ITGAE: variants seen among roughly 807,000 people sequenced by gnomAD.
ITGAE encodes integrin alpha-E.
ITGAE carries 99 observed loss-of-function variants against 136.5 expected under a neutral mutation model. That is an observed-to-expected ratio of 0.73 (90% CI 0.62 to 0.86). The LOEUF (loss-of-function observed/expected upper bound fraction) is 0.86, where lower values mean the gene tolerates loss of function less well. Ranked by LOEUF, ITGAE falls within the 40% of genes least tolerant of loss-of-function variation. ITGAE has a pLI of 0.00. For missense variants in ITGAE, 1,447 were observed against 1,515.3 expected (o/e 0.95, Z 0.75); for synonymous variants, 613 against 591.8 (o/e 1.04, Z -0.52).
At chr17:3,789,665 T>C (rs538765154) in intron 1 of ITGAE, among the ~76,000 whole-genome samples, 1 of 152,052 alleles carries the variant, frequency 6.6e-6, no homozygotes, top group Non-Finnish European at 1.5e-5. Flanking sequence ...CACACCCAGA[T>C]CAATTTTGTA....
At position 3,798,686 on chromosome 17, in the gene ITGAE, T is replaced by C. The variant is rs1405460681; in HGVS notation, c.34+2425A>G. Among the ~76,000 whole-genome samples, 1 of 152,038 alleles carries C rather than the reference T, an allele frequency of 6.6e-6. No individual in the cohort carries two copies. The highest frequency in any genetic ancestry group is 1.5e-5 in the Non-Finnish European group (1 of 68,024). Reference sequence around the variant, plus strand: ...AGCGGGCCCTGGACTTCTGGTTCCTTCTTCTTCACCCCTGTAAGGTGTTGT... The same window carrying C: ...AGCGGGCCCTGGACTTCTGGTTCCTCCTTCTTCACCCCTGTAAGGTGTTGT... On this transcript the variant is annotated intron_variant, in intron 1 of 30. Coordinates refer to ENST00000263087, the MANE Select transcript of ITGAE (RefSeq NM_002208.5). The surrounding 1 kb of genome is among the most constrained non-coding windows in gnomAD (Gnocchi z 4.3).
intron 14 of ITGAE, among the ~76,000 whole-genome samples, chr17:3,753,022 T>C (rs2051908660): frequency 6.6e-6 from 1 of 152,248 alleles, no homozygotes; most frequent in South Asian, 2.1e-4. Context: ...CATTGCAGCC[T>C]GGGCAACGAG....
At chr17:3,748,886 G>A (rs912451736) in intron 16 of ITGAE, among the ~76,000 whole-genome samples, 3 of 152,176 alleles carry the variant, frequency 2.0e-5, no homozygotes, top group Admixed American at 6.5e-5. Context: ...GCCAGGCCAC[G>A]AAGAGCCCTG....
chr17:3,724,248 G>T, intron 26 of ITGAE: 1 of 1,592,714 alleles, frequency 6.3e-7, no homozygotes, highest in Non-Finnish European at 8.5e-7. Flanking sequence ...GAAGCTGCGA[G>T]CTCGCCCAAG....
At chr17:3,741,239 A>G (rs1321202158) in intron 19 of ITGAE, among the ~76,000 whole-genome samples, 10 of 113,374 alleles carry the variant, frequency 8.8e-5, no homozygotes, top group East Asian at 2.3e-4. Context: ...CACCACGCCC[A>G]GCTAATTTTT....
At position 3,756,894 on chromosome 17, in the gene ITGAE, G is replaced by T. The variant is rs892708393; in HGVS notation, c.1171+90C>A. On this transcript the variant is annotated intron_variant, in intron 10 of 30. Coordinates refer to ENST00000263087, the MANE Select transcript of ITGAE (RefSeq NM_002208.5). ...GAGGTTCAGGGAGATGATGGGAGTT[G>T]CTCAGAGAAACCACATGAAGATGGG... The T allele has an allele frequency of 7.2e-6, 10 of 1,388,796 alleles. No homozygotes were observed. The African/African-American group carries it at 8.7e-5, about 12-fold the overall frequency. 86.0% of individuals were successfully genotyped at this position (1,388,796 alleles called of 1,614,324 possible).
chr17:3,753,790 C>G lies in ITGAE; in HGVS notation c.1520G>C (p.Gly507Ala). 1 of 1,614,182 alleles carries G rather than the reference C, an allele frequency of 6.2e-7. No individual in the cohort carries two copies. Among genetic ancestry groups the G allele is most frequent in the South Asian group, 1.1e-5 (1 of 91,090 alleles). ...REASFLPVLE[G>A]EQMGSYFGSE... ...GCTTTCCCCAGCAGGTACCTGCTCT[C>G]CCTCCAGCACTGGCAGGAAGCTGGC... is the stretch of plus-strand genomic sequence containing the variant. The change falls in exon 13 of 31, where the codon GGA becomes GCA. Residue 507 changes from glycine to alanine, a missense_variant. Physicochemically the swap from Gly to Ala is moderately conservative, Grantham distance 60. Around this residue, in one of 3 missense-constraint regions of ITGAE, gnomAD observed 1,031 missense variants for 1,011.4 expected, o/e 1.02. Transcript: ENST00000263087.
chr17:3,798,224 G>A lies in ITGAE; in HGVS notation c.34+2887C>T, dbSNP rs890532573. 3.3e-5 allele frequency among the ~76,000 whole-genome samples: 5 copies of A among 152,096 alleles called. No individual in the cohort carries two copies. The highest frequency in any genetic ancestry group is 1.9e-4 in the East Asian group (1 of 5,196). ...CCTGGAGTGCCCCTTCCCTACCCCC[G>A]TGCTGTGACACCCTGCCGGGGCCGG... On this transcript the variant is annotated intron_variant, in intron 1 of 30. Coordinates refer to ENST00000263087, the MANE Select transcript of ITGAE (RefSeq NM_002208.5). This position sits in a 1 kb window ranked among gnomAD's most constrained non-coding sequence, Gnocchi z 4.3.
chr17:3,756,038 A>T (rs2052014241), intron 10 of ITGAE, 141 bp from the exon 11 acceptor site: 1 of 728,404 alleles, frequency 1.4e-6, no homozygotes, highest in African/African-American at 1.8e-5. Flanking sequence ...GAGGGTAGAG[A>T]CCCAGGTTCT....
chr17:3,726,463 G>T, intron 26 of ITGAE: 2 of 648,988 alleles, frequency 3.1e-6, no homozygotes, highest in South Asian at 2.3e-5. Flanking sequence ...TTTCAAACAA[G>T]AATTTTGTTT....
chr17:3,729,720 G>A (rs1337312914), intron 23 of ITGAE, 165 bp from the exon 24 acceptor site: 7 of 585,714 alleles, frequency 1.2e-5, no homozygotes, highest in Admixed American at 2.4e-5. Flanking sequence ...TCAGCCTCCT[G>A]AGTAGCTGGA....
intron 1 of ITGAE, among the ~76,000 whole-genome samples, chr17:3,788,867 T>G (rs987776804): frequency 1.4e-5 from 2 of 148,026 alleles, no homozygotes; most frequent in African/African-American, 4.9e-5. Flanking sequence ...AATTAAAATA[T>G]TTTTTAGAAT....
intron 1 of ITGAE, chr17:3,784,252 T>A (rs1425725585): frequency 9.2e-6 from 3 of 325,784 alleles, no homozygotes; most frequent in Non-Finnish European, 1.7e-5. Flanking sequence ...AGAGCAAGAC[T>A]CCATCTCAAA....
intron 1 of ITGAE, 75 bp from the exon 2 acceptor site, chr17:3,777,735 GA>G: frequency 6.6e-7 from 1 of 1,508,774 alleles, no homozygotes; most frequent in Non-Finnish European, 8.9e-7. Flanking sequence ...GTGGTGTCAT[GA>G]ACCCCGTTTT....
At chr17:3,774,570 C>A (rs1451846975) in intron 2 of ITGAE, among the ~76,000 whole-genome samples, 1 of 152,096 alleles carries the variant, frequency 6.6e-6, no homozygotes, top group Non-Finnish European at 1.5e-5. Flanking sequence ...TCAAGACCAT[C>A]CTGGCCAACG....
At chr17:3,759,805 C>T (rs1274582942) in intron 7 of ITGAE, among the ~76,000 whole-genome samples, 1 of 152,190 alleles carries the variant, frequency 6.6e-6, no homozygotes, top group Non-Finnish European at 1.5e-5. Context: ...TGGGATTGGT[C>T]ATGTGACTGG....
chr17:3,755,102 T>TGGCCCCGCCCTCATCAGGG lies in ITGAE; in HGVS notation c.1384+14_1384+15insCCCTGATGAGGGCGGGGCC, dbSNP rs2051983346. The TGGCCCCGCCCTCATCAGGG allele has an allele frequency of 1.9e-6, 3 of 1,561,052 alleles. No individual in the cohort carries two copies. Among genetic ancestry groups the TGGCCCCGCCCTCATCAGGG allele is most frequent in the African/African-American group, 1.4e-5 (1 of 70,974 alleles). ...ATCAGGTGGCCCCGCCCTCATCAGG[T>TGGCCCCGCCCTCATCAGGG]GGCCCCGCCCTCACCCAGGTAGCTG... is the stretch of plus-strand genomic sequence containing the variant. On this transcript the variant is annotated intron_variant, in intron 12 of 30. Transcript: ENST00000263087.
At chr17:3,760,131 C>T (rs1179615394) in intron 7 of ITGAE, 41 bp downstream of exon 7, 1 of 1,170,258 alleles carries the variant, frequency 8.5e-7, no homozygotes, top group African/African-American at 1.5e-5. Context: ...GGGTGATTCT[C>T]AGCAATAGAT....
chr17:3,793,571 A>G (rs1377335269), intron 1 of ITGAE, among the ~76,000 whole-genome samples: 3 of 152,174 alleles, frequency 2.0e-5, no homozygotes, highest in African/African-American at 7.2e-5. Flanking sequence ...TTCCCTGCCT[A>G]GGGGTCTTGA....
Sources: gnomAD v4.1 joint callset for allele counts (sites outside exome capture counted in the v4.1 genomes callset) on GRCh38, gnomAD v4.1.1 for gene constraint, gnomAD v4.1.1 regional missense constraint, Gnocchi (gnomAD v3.1) non-coding constraint, MANE v1.5 for transcripts, NCBI Gene and HGNC (gene_info 2026-07-23, HGNC 2026-07-21) for gene names.